Variants in MTUS2 observed in about 807,000 individuals in gnomAD.
MTUS2 encodes the protein microtubule associated scaffold protein 2.
Under a neutral mutation model 114.1 loss-of-function variants are expected in MTUS2, and 40 were observed. That is an observed-to-expected ratio of 0.35 (90% CI 0.27 to 0.46). MTUS2 has a LOEUF of 0.46. Among genes scored for constraint, MTUS2 ranks in the 20% least tolerant of loss-of-function variants. The probability of loss-of-function intolerance (pLI) is 1.00; values close to 1 mark genes in which losing one functional copy is unlikely to be tolerated. For synonymous variants in MTUS2, 688 were observed against 672.0 expected, an observed-to-expected ratio of 1.02 and a Z score of -0.37; for missense variants, 1,679 against 1,705.4, an observed-to-expected ratio of 0.98 and a Z score of 0.27.
At chr13:28,848,665 T>C (rs1019590012) in intron 2 of MTUS2, among the ~76,000 whole-genome samples, 8 of 152,044 alleles carry the variant, frequency 5.3e-5, no homozygotes, top group Admixed American at 3.3e-4. Context: ...ATTCCCGTTA[T>C]CACTTTATAA....
intron 5 of MTUS2, among the ~76,000 whole-genome samples, chr13:29,218,777 G>A (rs1895784393): frequency 6.6e-6 from 1 of 152,076 alleles, no homozygotes; most frequent in African/African-American, 2.4e-5. Context: ...CTCAACAGTG[G>A]ACTTAAAATA....
rs77016747 is a variant in MTUS2 at position 28,841,320 on chromosome 13, T to C, written c.-243+1470T>C. ...TATGTGACTGGTGATTGGAAAGTTA[T>C]TGAGGAAATTAGAACAGATAGGGGA... On this transcript the variant is annotated intron_variant, in intron 2 of 15. Transcript: ENST00000612955. Among the ~76,000 whole-genome samples, 1,195 of 152,238 alleles carry C rather than the reference T, an allele frequency of 7.8e-3. 16 individuals carry two copies. Among genetic ancestry groups the C allele is most frequent in the African/African-American group, 0.027 (1,109 of 41,536 alleles).
chr13:29,013,572 G>A (rs897720629), intron 2 of MTUS2, among the ~76,000 whole-genome samples: 1 of 152,178 alleles, frequency 6.6e-6, no homozygotes, highest in Admixed American at 6.5e-5. Flanking sequence ...TGACAGATTT[G>A]AGTTTCCCAG....
At chr13:29,389,113 C>T (rs1473781935) in intron 8 of MTUS2, among the ~76,000 whole-genome samples, 1 of 150,996 alleles carries the variant, frequency 6.6e-6, no homozygotes, top group South Asian at 2.1e-4. Context: ...TGGAAATGAT[C>T]TAAGTTGTTT....
chr13:29,180,705 A>G lies in MTUS2; in HGVS notation c.2644+79735A>G, dbSNP rs1893963391. ...CTATAAACTGGCTTCACTTGAGTCC[A>G]GTGGCCACCTCTGGTTCAGTCATTA... On this transcript the variant is annotated intron_variant, in intron 5 of 15. Coordinates refer to ENST00000612955, the MANE Select transcript of MTUS2 (RefSeq NM_001033602.4). Among the ~76,000 whole-genome samples the G allele has an allele frequency of 2.6e-5, 4 of 152,136 alleles. No individual in the cohort carries two copies. The South Asian group carries it at 8.3e-4, about 31-fold the overall frequency.
intron 5 of MTUS2, among the ~76,000 whole-genome samples, chr13:29,212,915 G>C (rs1422855760): frequency 6.6e-6 from 1 of 152,066 alleles, no homozygotes; most frequent in African/African-American, 2.4e-5. Context: ...AGGGGAGAGA[G>C]GGAGCTGAAA....
chr13:29,451,685 A>G (rs1878693980), intron 9 of MTUS2, among the ~76,000 whole-genome samples: 1 of 152,090 alleles, frequency 6.6e-6, no homozygotes. Flanking sequence ...CCTGGATTCA[A>G]GCAATTCTCC....
At chr13:28,959,391 G>A (rs1328882233) in intron 2 of MTUS2, among the ~76,000 whole-genome samples, 1 of 152,150 alleles carries the variant, frequency 6.6e-6, no homozygotes, top group East Asian at 1.9e-4. Flanking sequence ...CTAGCAATGA[G>A]GTCGCATACC....
At chr13:29,064,042 C>T (rs1325239488) in intron 4 of MTUS2, among the ~76,000 whole-genome samples, 12 of 152,160 alleles carry the variant, frequency 7.9e-5, no homozygotes, top group South Asian at 2.1e-4. Flanking sequence ...ATTCTGTTAA[C>T]CTGCTCCTAG....
In MTUS2 at chr13:28,891,858, CAAAAAAAAAA is replaced by C. The variant is rs1169875500; in HGVS notation, c.-243+52023_-243+52032del. Among the ~76,000 whole-genome samples the C allele has an allele frequency of 8.6e-3, 451 of 52,182 alleles. 1 individual carries two copies. The highest frequency in any genetic ancestry group is 0.013 in the Non-Finnish European group (343 of 26,958). 34.2% of individuals were successfully genotyped at this position (52,182 alleles called of 152,430 possible). A position where few individuals can be genotyped will look rare whatever the true frequency, so the allele number is the denominator to read the frequency against. ...ACGCCACTGCACAGAGACTCTGTCTCAAAAAAAAAAAAAAAAAAAAAAAAGAATAACAACA... is the reference window on the plus strand; with the variant it reads ...ACGCCACTGCACAGAGACTCTGTCTCAAAAAAAAAAAAAAGAATAACAACA... On this transcript the variant is annotated intron_variant, in intron 2 of 15. Transcript: ENST00000612955.
chr13:29,286,678 C>CTATCTGTCTATCTATCTATA (rs1555261575), intron 6 of MTUS2, among the ~76,000 whole-genome samples: 38 of 151,028 alleles, frequency 2.5e-4, no homozygotes, highest in African/African-American at 8.8e-4. Context: ...GTCTGTCTAT[C>CTATCTGTCTATCTATCTATA]TATCTATCTA....
At chr13:29,345,241 T>G (rs1868549806) in intron 7 of MTUS2, among the ~76,000 whole-genome samples, 1 of 152,146 alleles carries the variant, frequency 6.6e-6, no homozygotes, top group Admixed American at 6.5e-5. Context: ...GATTATTCCC[T>G]CAAATGTGTT....
Position 29,024,869 on chromosome 13 carries a change from A to C in MTUS2, c.171A>C (p.Gly57=). The C allele has an allele frequency of 6.2e-7, 1 of 1,613,998 alleles. No homozygotes were observed. Among genetic ancestry groups the C allele is most frequent in the Non-Finnish European group, 8.5e-7 (1 of 1,179,878 alleles). ...SHDESKTCDL[G]DEIGNTNSSE... is the part of the protein sequence containing the mutation. ...ACGAGTCCAAGACATGTGACCTGGG[A>C]GATGAAATTGGAAATACAAATTCAA... Residue 57 remains glycine, a synonymous_variant, in exon 3 of 16, where the codon GGA becomes GGC. Transcript: ENST00000612955.
chr13:29,244,584 A>C (rs1284910681), intron 5 of MTUS2, among the ~76,000 whole-genome samples: 3 of 152,126 alleles, frequency 2.0e-5, no homozygotes, highest in Non-Finnish European at 4.4e-5. Context: ...GGCGCATGCT[A>C]TTGGAAGTTA....
chr13:29,220,900 C>T (rs1399407440), intron 5 of MTUS2, among the ~76,000 whole-genome samples: 3 of 152,260 alleles, frequency 2.0e-5, no homozygotes, highest in Non-Finnish European at 2.9e-5. Flanking sequence ...AAGCAAAGCA[C>T]GATAGAATGA....
In MTUS2 at chr13:29,025,473, A is replaced by G. The variant is rs778796247; in HGVS notation, c.775A>G (p.Thr259Ala). ...SESKQSTPSE[T>A]QTVGAHVLQV... is the part of the protein sequence containing the mutation. The stretch of plus-strand genomic sequence containing the variant: ...AAGCAAGCAGAGCACTCCCTCAGAG[A>G]CCCAAACAGTGGGGGCACATGTACT... The change falls in exon 3 of 16, where the codon ACC (threonine) becomes GCC (alanine). Residue 259 changes from threonine (T) to alanine (A), a missense_variant. Transcript: ENST00000612955. The G allele has an allele frequency of 1.2e-6, 2 of 1,613,430 alleles. No individual in the cohort carries two copies. Among genetic ancestry groups the G allele is most frequent in the Non-Finnish European group, 1.7e-6 (2 of 1,179,660 alleles).
At chr13:29,009,471 G>A (rs1259855756) in intron 2 of MTUS2, among the ~76,000 whole-genome samples, 1 of 152,048 alleles carries the variant, frequency 6.6e-6, no homozygotes. Context: ...AGCCAGACTT[G>A]AAAGGCTGCT....
chr13:29,129,577 T>TATGTA (rs10694315), intron 5 of MTUS2, among the ~76,000 whole-genome samples: 1 of 151,448 alleles, frequency 6.6e-6, no homozygotes, highest in South Asian at 2.1e-4. Context: ...TTTTTATTGA[T>TATGTA]ATATTTGTTC....
At chr13:29,168,740 G>T (rs1298111727) in intron 5 of MTUS2, among the ~76,000 whole-genome samples, 1 of 152,040 alleles carries the variant, frequency 6.6e-6, no homozygotes, top group Non-Finnish European at 1.5e-5. Flanking sequence ...TATTCCACCC[G>T]AAGCCCTTAG....
Sources: allele counts gnomAD v4.1 joint callset (sites outside exome capture counted in the v4.1 genomes callset), GRCh38; gene constraint gnomAD v4.1.1; transcripts MANE v1.5; gene names NCBI Gene and HGNC (gene_info 2026-07-23, HGNC 2026-07-21).